Variants in PLEKHM3 observed in about 807,000 individuals in gnomAD.
PLEKHM3 encodes pleckstrin homology domain-containing family M member 3.
In PLEKHM3, 45 loss-of-function variants were observed where a neutral mutation model predicts 81.8. The observed-to-expected ratio is 0.55, with a 90% CI of 0.43 to 0.71. The LOEUF (loss-of-function observed/expected upper bound fraction) is 0.71, where lower values mean the gene tolerates loss of function less well. Ranked by LOEUF, PLEKHM3 falls within the 30% of genes least tolerant of loss-of-function variation. PLEKHM3 has a pLI of 0.00. For synonymous variants in PLEKHM3, 352 were observed against 356.4 expected (o/e 0.99, Z 0.14); for missense variants, 788 against 924.3 (o/e 0.85, Z 1.91).
intron 1 of PLEKHM3, among the ~76,000 whole-genome samples, chr2:208,016,142 C>T (rs962128247): frequency 4.6e-5 from 7 of 151,942 alleles, no homozygotes; most frequent in African/African-American, 1.2e-4. Context: ...TGCAGTGAGC[C>T]GAGATTGCAC....
chr2:207,863,699 C>T (rs1053304829), intron 6 of PLEKHM3, among the ~76,000 whole-genome samples: 1 of 152,042 alleles, frequency 6.6e-6, no homozygotes, highest in Non-Finnish European at 1.5e-5. Flanking sequence ...TGTAAGCAGC[C>T]GTGGGCTGTG....
intron 5 of PLEKHM3, among the ~76,000 whole-genome samples, chr2:207,919,142 A>T (rs2105918142): frequency 6.6e-6 from 1 of 151,912 alleles, no homozygotes; most frequent in Non-Finnish European, 1.5e-5. Context: ...ACAAAACGAT[A>T]AAAAAAAGAA....
chr2:207,858,734 G>A lies in PLEKHM3; in HGVS notation c.2108+2371C>T, dbSNP rs184069067. 2.2e-3 allele frequency among the ~76,000 whole-genome samples: 332 copies of A among 152,068 alleles called. 7 individuals carry two copies. The highest frequency in any genetic ancestry group is 3.1e-4 in the Non-Finnish European group (21 of 67,982). Reference sequence around the variant, plus strand: ...GTCCTCAAGTGATCCACCCACCTGCGCCTCCCAAAGCACTGGGATTATAGA... The same window carrying A: ...GTCCTCAAGTGATCCACCCACCTGCACCTCCCAAAGCACTGGGATTATAGA... On this transcript the variant is annotated intron_variant, in intron 7 of 7. Transcript: ENST00000427836.
rs142577865 is a variant in PLEKHM3, at chr2:207,888,588, G to A, written c.1950+19926C>T. Reference sequence around the variant, plus strand: ...TTTTTGTATTTTTAGTAGAGACGGGGTTTCACCATGTTGGTCAGGTTGGTC... The same window carrying A: ...TTTTTGTATTTTTAGTAGAGACGGGATTTCACCATGTTGGTCAGGTTGGTC... On this transcript the variant is annotated intron_variant, in intron 6 of 7. Transcript: ENST00000427836. Among the ~76,000 whole-genome samples the A allele has an allele frequency of 4.3e-3, 655 of 152,244 alleles. 4 individuals are homozygous for A. The highest frequency in any genetic ancestry group is 5.8e-3 in the South Asian group (28 of 4,830).
At chr2:207,897,828 G>A (rs1248725665) in intron 6 of PLEKHM3, among the ~76,000 whole-genome samples, 1 of 152,232 alleles carries the variant, frequency 6.6e-6, no homozygotes, top group East Asian at 1.9e-4. Context: ...CAGGGTGAGG[G>A]AGTCTGGTGA....
At chr2:207,907,235 C>G (rs1688638789) in intron 6 of PLEKHM3, among the ~76,000 whole-genome samples, 2 of 152,300 alleles carry the variant, frequency 1.3e-5, no homozygotes, top group South Asian at 4.1e-4. Context: ...GGCGTGGTAG[C>G]TCACGTCTGT....
rs1350204309 is a variant in PLEKHM3, at chr2:207,826,363, C to T, written c.*1956G>A. The T allele has an allele frequency of 6.6e-6, 1 of 152,126 alleles. No homozygotes were observed. 9.4% of individuals were successfully genotyped at this position (152,126 alleles called of 1,614,324 possible). A position where few individuals can be genotyped will look rare whatever the true frequency, so the allele number is the denominator to read the frequency against. On this transcript the variant is annotated 3_prime_UTR_variant, in exon 8 of 8. Transcript: ENST00000427836. ...CTGTTGCCAAGTGTTTGAGATTTTC[C>T]ACCCTTTTTCTTTTGTGTGCAACAT...
Position 208,001,163 on chromosome 2 carries a change from C to T in PLEKHM3, c.477G>A (p.Trp159Ter). Reference sequence around the variant, plus strand: ...AAGGCGTGGTTTTGAGGACTACCCTCCAGTCCACTTGGGTAATATCTGATC... The same window carrying T: ...AAGGCGTGGTTTTGAGGACTACCCTTCAGTCCACTTGGGTAATATCTGATC... The part of the protein sequence containing the change: ...RSRSDITQVD[W>*]RVVLKTTPLQ... The change falls in exon 2 of 8, where the codon TGG becomes TGA. Residue 159 changes from tryptophan to a stop codon, truncating the protein, a stop_gained. Coordinates refer to ENST00000427836, the MANE Select transcript of PLEKHM3 (RefSeq NM_001080475.3). LOFTEE classifies it high-confidence loss of function. 1 of 1,613,934 alleles carries T rather than the reference C, an allele frequency of 6.2e-7. No individual in the cohort carries two copies. Among genetic ancestry groups the T allele is most frequent in the Non-Finnish European group, 8.5e-7 (1 of 1,179,916 alleles).
chr2:207,889,550 T>G (rs1687989356), intron 6 of PLEKHM3, among the ~76,000 whole-genome samples: 1 of 150,448 alleles, frequency 6.6e-6, no homozygotes, highest in Non-Finnish European at 1.5e-5. Flanking sequence ...AACCTATAAT[T>G]TATGGAAAGA....
chr2:207,967,318 T>C (rs753157759), intron 3 of PLEKHM3, among the ~76,000 whole-genome samples: 2 of 152,198 alleles, frequency 1.3e-5, no homozygotes, highest in Non-Finnish European at 1.5e-5. Flanking sequence ...CATGTAGCCA[T>C]AGCAACACAA....
intron 2 of PLEKHM3, 78 bp downstream of exon 2, chr2:208,000,952 A>C (rs1389866093): frequency 1.5e-6 from 2 of 1,293,750 alleles, no homozygotes; most frequent in African/African-American, 3.0e-5. Context: ...TCAGATATAA[A>C]AACATACAAG....
intron 1 of PLEKHM3, among the ~76,000 whole-genome samples, chr2:208,021,301 T>C (rs1400688866): frequency 6.6e-6 from 1 of 152,212 alleles, no homozygotes; most frequent in Non-Finnish European, 1.5e-5. Context: ...CCTAAATCCA[T>C]CAATCTATGA....
intron 3 of PLEKHM3, among the ~76,000 whole-genome samples, chr2:207,957,103 T>C (rs1210692868): frequency 1.3e-5 from 2 of 152,140 alleles, no homozygotes; most frequent in Non-Finnish European, 2.9e-5. Context: ...CTGTGACTCA[T>C]GTGAGAAATC....
chr2:207,998,426 C>T (rs1173571746), intron 2 of PLEKHM3, among the ~76,000 whole-genome samples: 3 of 152,108 alleles, frequency 2.0e-5, no homozygotes, highest in South Asian at 4.2e-4. Flanking sequence ...GTGGAAGGAT[C>T]GCATGAGCGT....
intron 1 of PLEKHM3, among the ~76,000 whole-genome samples, chr2:208,021,710 T>C (rs181356355): frequency 1.1e-3 from 172 of 152,336 alleles, no homozygotes; most frequent in African/African-American, 3.9e-3. Context: ...AAATAAACAA[T>C]GCCTATTCAC....
chr2:207,910,241 T>G (rs1018977393), intron 5 of PLEKHM3, among the ~76,000 whole-genome samples: 2 of 152,176 alleles, frequency 1.3e-5, no homozygotes, highest in Non-Finnish European at 2.9e-5. Flanking sequence ...GGAAAAGTAC[T>G]CAATTCCTCC....
intron 7 of PLEKHM3, among the ~76,000 whole-genome samples, chr2:207,844,689 G>T (rs1038183209): frequency 6.6e-5 from 10 of 152,146 alleles, no homozygotes; most frequent in Non-Finnish European, 1.5e-4. Flanking sequence ...ATTAAATGTG[G>T]TGGTGATGAT....
At chr2:207,949,212 T>A (rs1690248055) in intron 3 of PLEKHM3, among the ~76,000 whole-genome samples, 2 of 152,246 alleles carry the variant, frequency 1.3e-5, no homozygotes, top group African/African-American at 4.8e-5. Flanking sequence ...TTAAAATATG[T>A]TGCCCATTCT....
chr2:207,857,887 T>G (rs1489020901), intron 7 of PLEKHM3, among the ~76,000 whole-genome samples: 1 of 151,604 alleles, frequency 6.6e-6, no homozygotes, highest in Admixed American at 6.6e-5. Flanking sequence ...TTTGCTCTTT[T>G]TTTTATCTAG....
Sources: gnomAD v4.1 joint callset for allele counts (sites outside exome capture counted in the v4.1 genomes callset) on GRCh38, gnomAD v4.1.1 for gene constraint, MANE v1.5 for transcripts, NCBI Gene and HGNC (gene_info 2026-07-23, HGNC 2026-07-21) for gene names.